FAIM2: variants seen among roughly 807,000 people sequenced by gnomAD.
FAIM2 encodes protein lifeguard 2.
A neutral mutation model predicts 47.4 loss-of-function variants in FAIM2; 27 were observed. That is an observed-to-expected ratio of 0.57 (90% confidence interval 0.42 to 0.78). The LOEUF is 0.78. FAIM2 is among the 30% of genes least tolerant of loss of function. The pLI is 0.00. For missense variants in FAIM2, 311 were observed against 389.4 expected, an observed-to-expected ratio of 0.80 and a Z score of 1.69; for synonymous variants, 156 against 159.3, an observed-to-expected ratio of 0.98 and a Z score of 0.16.
At chr12:49,886,184 C>T (rs1455757556) in intron 11 of FAIM2, among the ~76,000 whole-genome samples, 1 of 152,224 alleles carries the variant, frequency 6.6e-6, no homozygotes, top group Non-Finnish European at 1.5e-5. Context: ...GTCACCAGCA[C>T]AAGCTTGCCC....
intron 11 of FAIM2, among the ~76,000 whole-genome samples, chr12:49,873,055 G>A (rs1946713859): frequency 1.3e-5 from 2 of 152,154 alleles, no homozygotes; most frequent in African/African-American, 4.8e-5. Context: ...TGTTCCTTGG[G>A]GAGCTGAGTG....
intron 3 of FAIM2, 29 bp downstream of exon 3, chr12:49,897,958 A>G (rs773116663): frequency 1.3e-6 from 2 of 1,564,610 alleles, no homozygotes; most frequent in East Asian, 4.5e-5. Context: ...TGAGGCTCCC[A>G]GTCCCAGAGG....
At position 49,901,085 on chromosome 12, in the gene FAIM2, C is replaced by T. The variant is rs758909525; in HGVS notation, c.211+45G>A. The T allele has an allele frequency of 4.8e-6, 7 of 1,466,910 alleles. No homozygotes were observed. In the South Asian group the frequency reaches 8.0e-5, roughly 17 times the overall value. 90.9% of individuals were successfully genotyped at this position (1,466,910 alleles called of 1,614,324 possible). A position where few individuals can be genotyped will look rare whatever the true frequency, so the allele number is the denominator to read the frequency against. Reference sequence around the variant, plus strand: ...TACTCAGGTTTTCCCTCTGGGTCCACCCCCACCCCATGATGCTTCAGGTTC... The same window carrying T: ...TACTCAGGTTTTCCCTCTGGGTCCATCCCCACCCCATGATGCTTCAGGTTC... On this transcript the variant is annotated intron_variant, in intron 2 of 11. Coordinates refer to ENST00000320634, the MANE Select transcript of FAIM2 (RefSeq NM_012306.4).
intron 5 of FAIM2, 52 bp from the exon 6 acceptor site, chr12:49,891,166 C>T (rs746806891): frequency 9.8e-6 from 15 of 1,538,110 alleles, no homozygotes; most frequent in Non-Finnish European, 1.3e-5. Context: ...TGGGTCCCTC[C>T]CCCAAGATCC....
At chr12:49,896,066 C>A (rs963152595) in intron 5 of FAIM2, among the ~76,000 whole-genome samples, 1 of 152,224 alleles carries the variant, frequency 6.6e-6, no homozygotes, top group Non-Finnish European at 1.5e-5. Context: ...TGGGGGGCGC[C>A]CCTGATGTGG....
At chr12:49,882,581 C>T (rs1343515986) in intron 11 of FAIM2, among the ~76,000 whole-genome samples, 3 of 152,168 alleles carry the variant, frequency 2.0e-5, no homozygotes, top group Non-Finnish European at 4.4e-5. Context: ...CAGGATGATC[C>T]CGACCAGGGC....
At chr12:49,873,954 A>T (rs935877606) in intron 11 of FAIM2, among the ~76,000 whole-genome samples, 2 of 152,256 alleles carry the variant, frequency 1.3e-5, no homozygotes, top group African/African-American at 4.8e-5. Context: ...AAAAGACATG[A>T]TCAGAGATTC....
chr12:49,897,710 G>C, intron 3 of FAIM2, 127 bp from the exon 4 acceptor site: 1 of 716,288 alleles, frequency 1.4e-6, no homozygotes, highest in Non-Finnish European at 2.4e-6. Flanking sequence ...GGGGTCATTG[G>C]AGTGAACCCA....
chr12:49,900,172 G>A (rs1483852243), intron 2 of FAIM2: 1 of 1,285,552 alleles, frequency 7.8e-7, no homozygotes, highest in East Asian at 5.6e-5. Flanking sequence ...TGACCCTCCA[G>A]TAGGTCACGG....
rs568085262 is a variant in FAIM2, at chr12:49,884,931, G to A, written c.801+2455C>T. Among the ~76,000 whole-genome samples the A allele has an allele frequency of 5.2e-3, 798 of 152,198 alleles. 2 individuals carry two copies. The highest frequency in any genetic ancestry group is 0.01 in the Middle Eastern group (3 of 294). On this transcript the variant is annotated intron_variant, in intron 11 of 11. Coordinates refer to ENST00000320634, the MANE Select transcript of FAIM2 (RefSeq NM_012306.4). ...GGAGCTTGCAGTCAGCCAAGATCGC[G>A]CTACTGCACTCCAGCCTGGGCGACA... is the stretch of plus-strand genomic sequence containing the variant.
At chr12:49,890,791 G>T in intron 6 of FAIM2, 69 bp from the exon 7 acceptor site, 1 of 1,388,132 alleles carries the variant, frequency 7.2e-7, no homozygotes. Flanking sequence ...CTGTGACACT[G>T]TTGCAGGGAG....
chr12:49,890,827 A>G, intron 6 of FAIM2, 105 bp from the exon 7 acceptor site: 4 of 982,370 alleles, frequency 4.1e-6, no homozygotes, highest in East Asian at 2.4e-5. Context: ...CCCCCTCCAC[A>G]CTCCTCAGAG....
chr12:49,874,146 G>C lies in FAIM2; in HGVS notation c.802-3493C>G, dbSNP rs1036298608. Among the ~76,000 whole-genome samples the C allele has an allele frequency of 6.6e-6, 1 of 152,220 alleles. No homozygotes were observed. Among genetic ancestry groups the C allele is most frequent in the Non-Finnish European group, 1.5e-5 (1 of 68,034 alleles). ...CGAATTGACTGCAAACCCCTAAAAG[G>C]AGGGCAGGTACTTGAGTTAGTGTTC... On this transcript the variant is annotated intron_variant, in intron 11 of 11. Transcript: ENST00000320634. This position sits in a 1 kb window ranked among gnomAD's most constrained non-coding sequence, Gnocchi z 4.2.
At chr12:49,883,867 G>C (rs1294369862) in intron 11 of FAIM2, among the ~76,000 whole-genome samples, 1 of 152,088 alleles carries the variant, frequency 6.6e-6, no homozygotes, top group Admixed American at 6.5e-5. Context: ...ACTGAGACTG[G>C]GTCCCCGGAT....
Position 49,898,007 on chromosome 12 carries a change from G to A in FAIM2, c.295C>T (p.Arg99Cys), listed in dbSNP as rs201425199. Residue 99 changes from arginine to cysteine, a missense_variant, in exon 3 of 12, where the codon CGT (arginine) becomes TGT (cysteine). Arg to Cys is a radical substitution (Grantham distance 180, BLOSUM62 -3). Transcript: ENST00000320634. ...TTFSWDDQKVRRVFVRKVYTI... is the reference protein window; with the variant it reads ...TTFSWDDQKVCRVFVRKVYTI... ...ATTACCTTTCTGACAAAGACTCGAC[G>A]AACTTTCTGGTCATCCCAGCTGAAA... 92 of 1,613,608 alleles carry A rather than the reference G, an allele frequency of 5.7e-5. No individual in the cohort carries two copies. The highest frequency in any genetic ancestry group is 4.7e-4 in the East Asian group (21 of 44,882).
At chr12:49,878,061 C>T (rs111203853) in intron 11 of FAIM2, among the ~76,000 whole-genome samples, 86 of 144,244 alleles carry the variant, frequency 6.0e-4, no homozygotes, top group African/African-American at 7.2e-4. Context: ...TGTATATGTG[C>T]GTGTATGTGT....
At chr12:49,878,070 GTGTT>G (rs1177629130) in intron 11 of FAIM2, among the ~76,000 whole-genome samples, 2 of 147,236 alleles carry the variant, frequency 1.4e-5, no homozygotes, top group African/African-American at 2.5e-5. Context: ...GCGTGTATGT[GTGTT>G]TATGTGTGCA....
At chr12:49,900,533 C>T (rs146090328) in intron 2 of FAIM2, among the ~76,000 whole-genome samples, 1 of 152,100 alleles carries the variant, frequency 6.6e-6, no homozygotes, top group Non-Finnish European at 1.5e-5. Context: ...GTGGGGGACA[C>T]TGAGGCTGGA....
chr12:49,893,648 A>C (rs1277618873), intron 5 of FAIM2, among the ~76,000 whole-genome samples: 3 of 152,252 alleles, frequency 2.0e-5, no homozygotes, highest in Non-Finnish European at 4.4e-5. Flanking sequence ...GGATTTGGTG[A>C]GTAGGACCCC....
Sources: allele counts gnomAD v4.1 joint callset (sites outside exome capture counted in the v4.1 genomes callset), GRCh38; gene constraint gnomAD v4.1.1; non-coding constraint Gnocchi (gnomAD v3.1); transcripts MANE v1.5; gene names NCBI Gene and HGNC (gene_info 2026-07-23, HGNC 2026-07-21).